The following SLC16A8 variants were observed in gnomAD, a reference collection of about 807,000 sequenced individuals.
The protein encoded by SLC16A8 is solute carrier family 16 member 8, also known as monocarboxylate transporter 3.
In SLC16A8, 20 loss-of-function variants were observed where a neutral mutation model predicts 22.4. The ratio of observed to expected loss-of-function variants is 0.89; its 90% confidence interval spans 0.63 to 1.30. SLC16A8 has a LOEUF of 1.30. Among genes scored for constraint, SLC16A8 ranks in the 50% most tolerant of loss-of-function variants. The pLI, the probability that SLC16A8 is intolerant of heterozygous loss-of-function variation, is 0.00. For synonymous variants in SLC16A8, 393 were observed against 358.8 expected, an observed-to-expected ratio of 1.10 and a Z score of -1.08; for missense variants, 817 against 740.3, an observed-to-expected ratio of 1.10 and a Z score of -1.20.
Position 38,078,775 on chromosome 22 carries a change from C to A in SLC16A8, c.1199-71G>T, listed in dbSNP as rs1400898330. On this transcript the variant is annotated intron_variant, in intron 5 of 5. Transcript: ENST00000681075. ...TCCTCCCCTCACTCTCCTGCACTCT[C>A]AGGTCAAGGGTGGTGCCACTGACTT... The A allele has an allele frequency of 4.2e-6, 6 of 1,421,984 alleles. No individual in the cohort carries two copies. In the African/African-American group the frequency reaches 8.5e-5, roughly 20 times the overall value. 88.1% of individuals were successfully genotyped at this position (1,421,984 alleles called of 1,614,324 possible). A position where few individuals can be genotyped will look rare whatever the true frequency, so the allele number is the denominator to read the frequency against.
chr22:38,081,056 G>C lies in SLC16A8; in HGVS notation c.982C>G (p.Leu328Val). 6.3e-7 allele frequency: 1 copy of C among 1,586,010 alleles called. No individual in the cohort carries two copies. Among genetic ancestry groups the C allele is most frequent in the Non-Finnish European group, 8.5e-7 (1 of 1,171,812 alleles). The stretch of plus-strand genomic sequence containing the variant: ...CTCAGGTCTGTGAGCCCATTGGCCA[G>C]CAGGGCCAGGCTGAACAGATACGGG... Reference protein sequence around the residue: ...HVPYLFSLALLANGLTDLSSA... With the variant: ...HVPYLFSLALVANGLTDLSSA... Residue 328 changes from leucine to valine, a missense_variant, in exon 5 of 6, where the codon CTG (leucine) becomes GTG (valine). Leu to Val is a conservative substitution (Grantham distance 32). Coordinates refer to ENST00000681075, the MANE Select transcript of SLC16A8 (RefSeq NM_013356.3).
chr22:38,078,449 C>A lies in SLC16A8; in HGVS notation c.1454G>T (p.Arg485Leu). 1 of 1,610,604 alleles carries A rather than the reference C, an allele frequency of 6.2e-7. No homozygotes were observed. The highest frequency in any genetic ancestry group is 8.5e-7 in the Non-Finnish European group (1 of 1,179,916). ...NLEALEVLSA[R>L]GEPTEPEIEA... is the part of the protein sequence containing the mutation. ...TATTTCTGGTTCTGTGGGCTCGCCC[C>A]GGGCGCTGAGCACCTCCAGGGCCTC... Residue 485 changes from arginine (R) to leucine (L), a missense_variant, in exon 6 of 6, where the codon CGG becomes CTG. Arg to Leu is a moderately radical substitution (Grantham distance 102, BLOSUM62 -2). Coordinates refer to ENST00000681075, the MANE Select transcript of SLC16A8 (RefSeq NM_013356.3).
Position 38,080,962 on chromosome 22 carries a change from A to G in SLC16A8, c.1076T>C (p.Met359Thr), listed in dbSNP as rs758620875. The G allele has an allele frequency of 8.1e-6, 13 of 1,595,454 alleles. No homozygotes were observed. In the Admixed American group the frequency reaches 2.1e-4, roughly 25 times the overall value. Residue 359 changes from methionine to threonine, a missense_variant, in exon 5 of 6, where the codon ATG becomes ACG. By Grantham distance (81) the Met-to-Thr change is moderately conservative. Transcript: ENST00000681075. ...FCVAFGLSYG[M>T]VGALQFEVLM... ...CACCTCGAACTGCAGCGCGCCCACCATGCCGTAGGAGAGGCCGAAGGCGAC... is the reference window on the plus strand; with the variant it reads ...CACCTCGAACTGCAGCGCGCCCACCGTGCCGTAGGAGAGGCCGAAGGCGAC...
Position 38,081,192 on chromosome 22 carries a change from GC to G in SLC16A8, c.845del (p.Gly282AlafsTer54). 1 of 1,558,026 alleles carries G rather than the reference GC, an allele frequency of 6.4e-7. No homozygotes were observed. ...ILLVNYAKDA[G>X]VPDTDAAFLL... ...GGAAGGCGGCGTCGGTGTCGGGCACGCCCGCGTCCTTGGCGTAGTTCACCAG... is the reference window on the plus strand; with the variant it reads ...GGAAGGCGGCGTCGGTGTCGGGCACGCCGCGTCCTTGGCGTAGTTCACCAG... On this transcript the variant is annotated frameshift_variant, in exon 5 of 6. Transcript: ENST00000681075. LOFTEE classifies it high-confidence loss of function.
rs1385378320 is a variant in SLC16A8, at chr22:38,079,871, AGGCTGGTTTTGT to A, written c.1198+957_1198+968del. On this transcript the variant is annotated intron_variant, in intron 5 of 5. Transcript: ENST00000681075. ...GAAGACGGTTCCTTGAGGCCTGGGC[AGGCTGGTTTTGT>A]GGCCTGCCCACACACTGGCTCAGGG... Among the ~76,000 whole-genome samples the A allele has an allele frequency of 2.0e-5, 3 of 152,322 alleles. No homozygotes were observed. In the East Asian group the frequency reaches 5.8e-4, roughly 29 times the overall value.
At chr22:38,082,244 C>T (rs1025260783) in intron 3 of SLC16A8, among the ~76,000 whole-genome samples, 2 of 152,378 alleles carry the variant, frequency 1.3e-5, no homozygotes, top group Non-Finnish European at 2.9e-5. Context: ...GGAGCGGGGG[C>T]TTCCGCACCC....
chr22:38,081,719 C>T, intron 4 of SLC16A8, 40 bp from the exon 5 acceptor site: 1 of 1,467,176 alleles, frequency 6.8e-7, no homozygotes, highest in Non-Finnish European at 9.0e-7. Context: ...CCCCGGAGAG[C>T]CCCTCCCTGG....
intron 3 of SLC16A8, among the ~76,000 whole-genome samples, 189 bp downstream of exon 3, chr22:38,082,471 G>C (rs1002883632): frequency 1.3e-5 from 2 of 152,200 alleles, no homozygotes; most frequent in Non-Finnish European, 2.9e-5. Flanking sequence ...CCCCTGGGCC[G>C]GCCCCGCCTC....
At chr22:38,082,941 G>A (rs1601972659) in intron 2 of SLC16A8, 60 bp from the exon 3 acceptor site, 1 of 1,093,996 alleles carries the variant, frequency 9.1e-7, no homozygotes, top group East Asian at 2.6e-5. Flanking sequence ...GAGAAGGAGG[G>A]GGATGGAGAC....
intron 5 of SLC16A8, among the ~76,000 whole-genome samples, chr22:38,080,272 C>T (rs2085896287): frequency 6.6e-6 from 1 of 152,186 alleles, no homozygotes; most frequent in Non-Finnish European, 1.5e-5. Flanking sequence ...TCCCTGACCA[C>T]CCTCATGACG....
chr22:38,082,492 C>G (rs1433952200), intron 3 of SLC16A8, among the ~76,000 whole-genome samples, 168 bp downstream of exon 3: 1 of 152,254 alleles, frequency 6.6e-6, no homozygotes, highest in Non-Finnish European at 1.5e-5. Context: ...TGGCCGCTGT[C>G]TCCCTCCCGC....
At chr22:38,082,331 A>C (rs1243911035) in intron 3 of SLC16A8, among the ~76,000 whole-genome samples, 1 of 152,182 alleles carries the variant, frequency 6.6e-6, no homozygotes, top group Non-Finnish European at 1.5e-5. Context: ...CCAGGATGGG[A>C]ACTCCAGCAA....
chr22:38,082,132 G>A, intron 3 of SLC16A8, 100 bp from the exon 4 acceptor site: 1 of 1,360,224 alleles, frequency 7.4e-7, no homozygotes, highest in Non-Finnish European at 9.9e-7. Flanking sequence ...GGAGGGCAGT[G>A]TCTGGCCAAG....
At chr22:38,082,543 A>G (rs2145900807) in intron 3 of SLC16A8, 117 bp downstream of exon 3, 2 of 837,506 alleles carry the variant, frequency 2.4e-6, no homozygotes, top group Non-Finnish European at 3.6e-6. Context: ...TCCCACAGGC[A>G]GGAAGGGACT....
At chr22:38,082,105 G>A in intron 3 of SLC16A8, 73 bp from the exon 4 acceptor site, 2 of 1,464,678 alleles carry the variant, frequency 1.4e-6, no homozygotes, top group East Asian at 2.5e-5. Flanking sequence ...GTCACCTCCG[G>A]CTCAGGGACA....
Position 38,081,613 on chromosome 22 carries a change from C to A in SLC16A8, c.425G>T (p.Arg142Leu). Residue 142 changes from arginine (R) to leucine (L), a missense_variant, in exon 5 of 6, where the codon CGG becomes CTG. By Grantham distance (102) the Arg-to-Leu change is moderately radical (BLOSUM62 -2). Coordinates refer to ENST00000681075, the MANE Select transcript of SLC16A8 (RefSeq NM_013356.3). Reference protein sequence around the residue: ...IMLGLYFERRRPLANGLAAAG... With the variant: ...IMLGLYFERRLPLANGLAAAG... Reference sequence around the variant, plus strand: ...CGCCGCCAGCCCGTTGGCCAGAGGCCGCCGCCGCTCGAAGTACAGCCCCAG... The same window carrying A: ...CGCCGCCAGCCCGTTGGCCAGAGGCAGCCGCCGCTCGAAGTACAGCCCCAG... The A allele has an allele frequency of 6.6e-7, 1 of 1,520,614 alleles. No individual in the cohort carries two copies. 94.2% of individuals were successfully genotyped at this position (1,520,614 alleles called of 1,614,324 possible). A position where few individuals can be genotyped will look rare whatever the true frequency, so the allele number is the denominator to read the frequency against.
rs779688562 is a variant in SLC16A8, at chr22:38,081,077, A to G, written c.961T>C (p.Tyr321His). Residue 321 changes from tyrosine (Y) to histidine (H), a missense_variant, in exon 5 of 6, where the codon TAT (tyrosine) becomes CAT (histidine). Tyr to His is a moderately conservative substitution (Grantham distance 83). Transcript: ENST00000681075. ...GCCAGCAGGGCCAGGCTGAACAGAT[A>G]CGGGACGTGCGGCCGCAGACGCGCC... ...GLARLRPHVP[Y>H]LFSLALLANG... The G allele has an allele frequency of 3.2e-6, 5 of 1,572,520 alleles. No homozygotes were observed. In the East Asian group the frequency reaches 6.9e-5, roughly 22 times the overall value.
At position 38,081,776 on chromosome 22, in the gene SLC16A8, G is replaced by A. The variant is rs949476388; in HGVS notation, c.359-97C>T. On this transcript the variant is annotated intron_variant, in intron 4 of 5. Transcript: ENST00000681075. Reference sequence around the variant, plus strand: ...AGGCCCGGGAACCCAGCAGATCCGGGAACCCAGCCGAGGGACTTCGAAGAC... The same window carrying A: ...AGGCCCGGGAACCCAGCAGATCCGGAAACCCAGCCGAGGGACTTCGAAGAC... 3.3e-5 allele frequency: 48 copies of A among 1,459,530 alleles called. No homozygotes were observed. The South Asian group carries it at 5.7e-4, about 17-fold the overall frequency. 90.4% of individuals were successfully genotyped at this position (1,459,530 alleles called of 1,614,324 possible). A position where few individuals can be genotyped will look rare whatever the true frequency, so the allele number is the denominator to read the frequency against.
Position 38,078,684 on chromosome 22 carries a change from T to C in SLC16A8, c.1219A>G (p.Lys407Glu), listed in dbSNP as rs759401754. Reference protein sequence around the residue: ...PSAGRLVDVLKNYEIIFYLAG... With the variant: ...PSAGRLVDVLENYEIIFYLAG... ...AGGTAGAAGATGATCTCATAGTTCT[T>C]CAACACATCCACCAGGCGGCCTGGG... The change falls in exon 6 of 6, where the codon AAG becomes GAG. Residue 407 changes from lysine (K) to glutamate (E), a missense_variant. Transcript: ENST00000681075. 27 of 1,606,882 alleles carry C rather than the reference T, an allele frequency of 1.7e-5. No individual in the cohort carries two copies. In the African/African-American group the frequency reaches 3.1e-4, roughly 18 times the overall value.
Sources: gnomAD v4.1 joint callset for allele counts (sites outside exome capture counted in the v4.1 genomes callset) on GRCh38, gnomAD v4.1.1 for gene constraint, MANE v1.5 for transcripts, NCBI Gene and HGNC (gene_info 2026-07-23, HGNC 2026-07-21) for gene names.